The following NCOR2 variants were observed in gnomAD, a reference collection of about 807,000 sequenced individuals.
The protein encoded by NCOR2 is nuclear receptor corepressor 2.
NCOR2 carries 81 observed loss-of-function variants against 262.9 expected under a neutral mutation model. The ratio of observed to expected loss-of-function variants is 0.31; its 90% CI spans 0.26 to 0.37. NCOR2 has a LOEUF of 0.37. NCOR2 is among the 10% of genes least tolerant of loss of function. NCOR2 has a pLI of 1.00. For missense variants in NCOR2, 3,385 were observed against 3,621.4 expected (o/e 0.93, Z 1.68); for synonymous variants, 1,659 against 1,559.3 (o/e 1.06, Z -1.51).
intron 13 of NCOR2, among the ~76,000 whole-genome samples, chr12:124,418,334 A>G (rs1317284674): frequency 6.6e-6 from 1 of 152,236 alleles, no homozygotes; most frequent in Non-Finnish European, 1.5e-5. Flanking sequence ...TCCTGACAAC[A>G]GCCTCGTTTC....
intron 1 of NCOR2, among the ~76,000 whole-genome samples, chr12:124,518,940 G>A (rs1222068546): frequency 6.6e-6 from 1 of 152,164 alleles, no homozygotes; most frequent in Non-Finnish European, 1.5e-5. Context: ...TGTCCCGAGG[G>A]CCAGATGGCC....
chr12:124,336,285 C>T (rs911780062), intron 38 of NCOR2: 15 of 166,602 alleles, frequency 9.0e-5, no homozygotes, highest in African/African-American at 3.1e-4. Context: ...CAGGTGGGGG[C>T]GTAGGCCCGA....
At chr12:124,479,898 G>A (rs1046233590) in intron 3 of NCOR2, among the ~76,000 whole-genome samples, 6 of 152,220 alleles carry the variant, frequency 3.9e-5, no homozygotes, top group Non-Finnish European at 5.9e-5. Flanking sequence ...GCCTGGGGCC[G>A]TCTACAAAAG....
chr12:124,389,488 G>T lies in NCOR2; in HGVS notation c.1877-3601C>A, dbSNP rs954603124. On this transcript the variant is annotated intron_variant, in intron 16 of 46. Transcript: ENST00000405201. This position sits in a 1 kb window ranked among gnomAD's most constrained non-coding sequence, Gnocchi z 4.4. ...TCAGCAGTGGTAAGAACAGATGAGG[G>T]TTCCAGAAAAACAGAGCTTCTCCAC... 3.3e-5 allele frequency among the ~76,000 whole-genome samples: 5 copies of T among 152,188 alleles called. No individual in the cohort carries two copies. The highest frequency in any genetic ancestry group is 1.2e-4 in the African/African-American group (5 of 41,444).
At chr12:124,397,374 C>T (rs2041746859) in intron 16 of NCOR2, among the ~76,000 whole-genome samples, 1 of 152,184 alleles carries the variant, frequency 6.6e-6, no homozygotes, top group South Asian at 2.1e-4. Context: ...AGAGGCAGGT[C>T]ACTGTGCTGG....
intron 32 of NCOR2, among the ~76,000 whole-genome samples, chr12:124,344,363 A>G (rs909751883): frequency 6.6e-6 from 1 of 152,164 alleles, no homozygotes; most frequent in Admixed American, 6.5e-5. Context: ...CAGCAGGAAG[A>G]GGGAGGGGCG....
intron 44 of NCOR2, among the ~76,000 whole-genome samples, 188 bp from the exon 47 acceptor site, chr12:124,327,821 T>C (rs2034819082): frequency 6.6e-6 from 1 of 151,848 alleles, no homozygotes; most frequent in Admixed American, 6.6e-5. Flanking sequence ...CCACCCTTTT[T>C]TTCCTGCTGG....
rs2044097999 is a variant in NCOR2, at chr12:124,433,447, G to C, written c.883-2660C>G. On this transcript the variant is annotated intron_variant, in intron 8 of 46. Coordinates refer to ENST00000405201, the Ensembl canonical transcript of NCOR2. ...AGCCAACAGGCCACTGGCCAGCGGG[G>C]CCTCAGCCTGTCCACATTGCCGGCA... Among the ~76,000 whole-genome samples, 2 of 152,252 alleles carry C rather than the reference G, an allele frequency of 1.3e-5. 1 individual carries two copies. The highest frequency in any genetic ancestry group is 4.8e-5 in the African/African-American group (2 of 41,470).
At chr12:124,424,021 T>C (rs1046703285) in intron 11 of NCOR2, among the ~76,000 whole-genome samples, 14 of 152,194 alleles carry the variant, frequency 9.2e-5, no homozygotes, top group Admixed American at 9.2e-4. Context: ...GGCATGCAAG[T>C]GGCCAAGTTG....
At chr12:124,325,822 G>A (rs557180439) in intron 46 of NCOR2, among the ~76,000 whole-genome samples, 39 of 152,240 alleles carry the variant, frequency 2.6e-4, no homozygotes, top group African/African-American at 8.9e-4. Flanking sequence ...CCTATTCACC[G>A]TCCCTCTGGT....
Position 124,473,707 on chromosome 12 carries a change from T to C in NCOR2, c.412-576A>G, listed in dbSNP as rs555732895. Reference sequence around the variant, plus strand: ...ACTTGCTCCTCTTTGCCCTCCGCCATGATTGTGAGCCCTCCACAGCCACAT... The same window carrying C: ...ACTTGCTCCTCTTTGCCCTCCGCCACGATTGTGAGCCCTCCACAGCCACAT... On this transcript the variant is annotated intron_variant, in intron 3 of 46. Coordinates refer to ENST00000405201, the Ensembl canonical transcript of NCOR2. Among the ~76,000 whole-genome samples the C allele has an allele frequency of 5.1e-4, 78 of 152,342 alleles. 1 individual carries two copies. The highest frequency in any genetic ancestry group is 1.8e-3 in the African/African-American group (73 of 41,576).
intron 14 of NCOR2, 136 bp downstream of exon 16, chr12:124,402,268 G>A (rs927306084): frequency 3.7e-5 from 55 of 1,498,788 alleles, no homozygotes; most frequent in African/African-American, 1.3e-4. Flanking sequence ...AGGGGCAAAC[G>A]AGCAGAAAGC....
chr12:124,493,514 G>A (rs2048206540), intron 1 of NCOR2, among the ~76,000 whole-genome samples: 1 of 152,200 alleles, frequency 6.6e-6, no homozygotes, highest in Non-Finnish European at 1.5e-5. Context: ...CAAAACTGAG[G>A]CTCAGAGAGG....
intron 1 of NCOR2, among the ~76,000 whole-genome samples, chr12:124,550,610 A>T (rs1442322498): frequency 1.3e-5 from 2 of 152,164 alleles, no homozygotes; most frequent in African/African-American, 4.8e-5. Context: ...TGTATTTTTT[A>T]TGTGCAAGCT....
intron 14 of NCOR2, 143 bp downstream of exon 16, chr12:124,402,261 G>C (rs1222252699): frequency 1.7e-5 from 25 of 1,483,578 alleles, no homozygotes; most frequent in Non-Finnish European, 2.2e-5. Context: ...GGCTGTCAGG[G>C]GCAAACGAGC....
At chr12:124,413,903 G>T (rs1035466012) in intron 13 of NCOR2, among the ~76,000 whole-genome samples, 2 of 151,792 alleles carry the variant, frequency 1.3e-5, no homozygotes, top group Admixed American at 6.6e-5. Context: ...AGACACAGGT[G>T]GTGGCGGGGG....
intron 22 of NCOR2, among the ~76,000 whole-genome samples, chr12:124,358,298 CACGTGT>C (rs1357633345): frequency 8.4e-5 from 12 of 143,492 alleles, no homozygotes; most frequent in Admixed American, 6.2e-4. Flanking sequence ...TGTGCACGTG[CACGTGT>C]ATGTGCGTGT....
chr12:124,436,228 C>G (rs1018003000), intron 8 of NCOR2, among the ~76,000 whole-genome samples: 22 of 152,228 alleles, frequency 1.4e-4, no homozygotes, highest in Non-Finnish European at 3.1e-4. Context: ...CTACTGTGTA[C>G]CACAGACCTA....
Position 124,334,502 on chromosome 12 carries a change from G to A in NCOR2, c.6527C>T (p.Pro2176Leu), listed in dbSNP as rs779760728. ...GGGCGGGAGGTAGAGGTCACTGGGT[G>A]GGCGGCGGAGGTCCAGGACGGGGCA... Residue 2176 changes from proline (P) to leucine (L), a missense_variant, in exon 41 of 47, where the codon CCA becomes CTA. This residue lies in a region of NCOR2 where 1,017 missense variants were observed against 967.2 expected (regional missense o/e 1.05). Coordinates refer to ENST00000405201, the Ensembl canonical transcript of NCOR2. The A allele has an allele frequency of 1.4e-6, 2 of 1,447,786 alleles. No homozygotes were observed. The highest frequency in any genetic ancestry group is 2.8e-5 in the Admixed American group (1 of 35,724). 89.7% of individuals were successfully genotyped at this position (1,447,786 alleles called of 1,614,324 possible). A position where few individuals can be genotyped will look rare whatever the true frequency, so the allele number is the denominator to read the frequency against.
Sources: allele counts gnomAD v4.1 joint callset (sites outside exome capture counted in the v4.1 genomes callset), GRCh38; gene constraint gnomAD v4.1.1; regional missense constraint gnomAD v4.1.1; non-coding constraint Gnocchi (gnomAD v3.1); transcripts MANE v1.5; gene names NCBI Gene and HGNC (gene_info 2026-07-23, HGNC 2026-07-21).